The following TTC7B variants were observed in gnomAD, a reference collection of about 807,000 sequenced individuals.
The protein encoded by TTC7B is tetratricopeptide repeat protein 7B.
In TTC7B, 28 loss-of-function variants were observed where a neutral mutation model predicts 106.8. That is an observed-to-expected ratio of 0.26 (90% CI 0.19 to 0.36). The LOEUF (loss-of-function observed/expected upper bound fraction) is 0.36, where lower values mean the gene tolerates loss of function less well. TTC7B is among the 10% of genes least tolerant of loss of function. TTC7B has a pLI of 1.00. For synonymous variants in TTC7B, 405 were observed against 430.6 expected (o/e 0.94, Z 0.74); for missense variants, 862 against 1,076.4 (o/e 0.80, Z 2.79).
rs1313647067 is a variant in TTC7B, at chr14:90,579,283, G to A, written c.2108-975C>T. Among the ~76,000 whole-genome samples, 11 of 152,312 alleles carry A rather than the reference G, an allele frequency of 7.2e-5. No individual in the cohort carries two copies. The East Asian group carries it at 1.2e-3, about 16-fold the overall frequency. On this transcript the variant is annotated intron_variant, in intron 18 of 19. Coordinates refer to ENST00000328459, the MANE Select transcript of TTC7B (RefSeq NM_001010854.2). ...TCAAGTCTGCAGCCCAGAGCCTCACGCAGAGGCCGCCCGCTCTGTCGGGGC... is the reference window on the plus strand; with the variant it reads ...TCAAGTCTGCAGCCCAGAGCCTCACACAGAGGCCGCCCGCTCTGTCGGGGC...
intron 19 of TTC7B, among the ~76,000 whole-genome samples, chr14:90,561,181 G>A (rs1339870765): frequency 6.6e-6 from 1 of 152,238 alleles, no homozygotes; most frequent in African/African-American, 2.4e-5. Flanking sequence ...CCGCTCCTCT[G>A]TTTATGAAGA....
At chr14:90,771,178 T>C (rs1017953478) in intron 3 of TTC7B, among the ~76,000 whole-genome samples, 4 of 152,022 alleles carry the variant, frequency 2.6e-5, no homozygotes, top group African/African-American at 7.3e-5. Context: ...TTAAAAATAA[T>C]GAAGATGGGA....
chr14:90,805,103 G>A lies in TTC7B; in HGVS notation c.121+11072C>T, dbSNP rs886777889. Among the ~76,000 whole-genome samples the A allele has an allele frequency of 1.3e-5, 2 of 151,958 alleles. No homozygotes were observed. Among genetic ancestry groups the A allele is most frequent in the Non-Finnish European group, 2.9e-5 (2 of 67,950 alleles). On this transcript the variant is annotated intron_variant, in intron 1 of 19. Transcript: ENST00000328459. The surrounding 1 kb of genome is among the most constrained non-coding windows in gnomAD (Gnocchi z 4.0). The stretch of plus-strand genomic sequence containing the variant: ...AGTCTTCGGCGTGGGACCAGGTCTC[G>A]GGTGGACGCCCACAGCCACTCCCAG...
chr14:90,655,508 C>T (rs1376557187), intron 11 of TTC7B, among the ~76,000 whole-genome samples: 1 of 152,110 alleles, frequency 6.6e-6, no homozygotes, highest in East Asian at 1.9e-4. Context: ...TTTCTTTCCC[C>T]CCCTACCCAG....
At chr14:90,684,460 C>A (rs1241326949) in intron 7 of TTC7B, among the ~76,000 whole-genome samples, 1 of 152,004 alleles carries the variant, frequency 6.6e-6, no homozygotes, top group Non-Finnish European at 1.5e-5. Flanking sequence ...TTCCTATTAG[C>A]CCCAAATGGG....
chr14:90,696,368 T>C lies in TTC7B; in HGVS notation c.699-790A>G, dbSNP rs186395544. 9.5e-4 allele frequency among the ~76,000 whole-genome samples: 144 copies of C among 152,322 alleles called. 2 individuals carry two copies. The highest frequency in any genetic ancestry group is 3.9e-3 in the South Asian group (19 of 4,822). On this transcript the variant is annotated intron_variant, in intron 5 of 19. Transcript: ENST00000328459. Reference sequence around the variant, plus strand: ...TGCTGAGCTGGGAACGCTCCCCAGCTGGTCCCTTTACATTAAGCACGGCCA... The same window carrying C: ...TGCTGAGCTGGGAACGCTCCCCAGCCGGTCCCTTTACATTAAGCACGGCCA...
At chr14:90,684,207 C>A (rs1165070539) in intron 7 of TTC7B, among the ~76,000 whole-genome samples, 2 of 152,144 alleles carry the variant, frequency 1.3e-5, no homozygotes, top group African/African-American at 4.8e-5. Context: ...GAAGTATTAT[C>A]CAATATTAAC....
At chr14:90,668,827 CTTTTTTTTTTT>C (rs11291974) in intron 9 of TTC7B, among the ~76,000 whole-genome samples, 7 of 88,526 alleles carry the variant, frequency 7.9e-5, no homozygotes, top group Non-Finnish European at 1.5e-4. Flanking sequence ...AAAATTTCAA[CTTTTTTTTTTT>C]TTTTTTTTTT....
chr14:90,640,393 C>T (rs1457737635), intron 15 of TTC7B, among the ~76,000 whole-genome samples: 1 of 152,014 alleles, frequency 6.6e-6, no homozygotes, highest in Non-Finnish European at 1.5e-5. Context: ...GGCAAAAGGA[C>T]AGGATACAGA....
chr14:90,671,147 G>C (rs1886617348), intron 9 of TTC7B, among the ~76,000 whole-genome samples: 1 of 152,130 alleles, frequency 6.6e-6, no homozygotes, highest in Non-Finnish European at 1.5e-5. Context: ...AAGCAGGACT[G>C]CACGCAATGC....
At chr14:90,641,169 A>C (rs1476980598) in intron 15 of TTC7B, among the ~76,000 whole-genome samples, 1 of 152,126 alleles carries the variant, frequency 6.6e-6, no homozygotes, top group Non-Finnish European at 1.5e-5. Context: ...TCAGCTTAGA[A>C]CTTTTTGGAC....
In TTC7B at chr14:90,531,250, G is replaced by C. The variant is rs553471473; in HGVS notation, c.*10118C>G. 6.6e-6 allele frequency: 1 copy of C among 151,862 alleles called. No homozygotes were observed. The highest frequency in any genetic ancestry group is 2.4e-5 in the African/African-American group (1 of 41,194). 9.4% of individuals were successfully genotyped at this position (151,862 alleles called of 1,614,324 possible). ...TTACGATCACAAAAGAAAAGAAAAA[G>C]CTGCTTGCTTAAACAAACAAACAAA... On this transcript the variant is annotated 3_prime_UTR_variant, in exon 20 of 20. Transcript: ENST00000328459.
At chr14:90,571,021 C>A (rs563852038) in intron 19 of TTC7B, among the ~76,000 whole-genome samples, 48 of 152,236 alleles carry the variant, frequency 3.2e-4, no homozygotes, top group African/African-American at 1.0e-3. Context: ...CACCAACATA[C>A]GATTTCACGA....
In TTC7B at chr14:90,527,131, A is replaced by T. The variant is rs544743654; in HGVS notation, c.*14237T>A. On this transcript the variant is annotated 3_prime_UTR_variant, in exon 20 of 20. Coordinates refer to ENST00000328459, the MANE Select transcript of TTC7B (RefSeq NM_001010854.2). ...GGAGTTATGGGTTTGGGGGAAGAAG[A>T]CCACAGAGATGAGGTGCCCTGCTCA... is the stretch of plus-strand genomic sequence containing the variant. The T allele has an allele frequency of 2.9e-4, 44 of 152,136 alleles. No individual in the cohort carries two copies. Among genetic ancestry groups the T allele is most frequent in the African/African-American group, 1.1e-3 (44 of 41,482 alleles). The allele number at this position is 152,136 out of a possible 1,614,324, so 9.4% of individuals were successfully genotyped here.
intron 1 of TTC7B, 126 bp from the exon 2 acceptor site, chr14:90,786,454 C>T (rs906978586): frequency 2.6e-5 from 25 of 966,580 alleles, no homozygotes; most frequent in Non-Finnish European, 3.4e-5. Context: ...CCTTCTGGAA[C>T]TTCATAGCCT....
intron 17 of TTC7B, among the ~76,000 whole-genome samples, chr14:90,604,211 T>C (rs1232684813): frequency 1.3e-5 from 2 of 152,162 alleles, no homozygotes; most frequent in Non-Finnish European, 2.9e-5. Flanking sequence ...AATGGGAAGA[T>C]CCCATTTTCA....
In TTC7B at chr14:90,802,671, C is replaced by T. The variant is rs140536881; in HGVS notation, c.121+13504G>A. Among the ~76,000 whole-genome samples, 526 of 152,248 alleles carry T rather than the reference C, an allele frequency of 3.5e-3. No individual in the cohort carries two copies. Among genetic ancestry groups the T allele is most frequent in the Non-Finnish European group, 5.5e-3 (374 of 68,010 alleles). On this transcript the variant is annotated intron_variant, in intron 1 of 19. Coordinates refer to ENST00000328459, the MANE Select transcript of TTC7B (RefSeq NM_001010854.2). This position sits in a 1 kb window ranked among gnomAD's most constrained non-coding sequence, Gnocchi z 4.7. ...GGGAATCCGACCTACTGAAGAGCGG[C>T]GGTGCTCCTCCCGGTCTTTGGTCAC...
At chr14:90,767,218 C>T (rs1396427947) in intron 3 of TTC7B, among the ~76,000 whole-genome samples, 1 of 151,482 alleles carries the variant, frequency 6.6e-6, no homozygotes, top group Non-Finnish European at 1.5e-5. Context: ...GACCGTGTCT[C>T]AATAAAAAAT....
chr14:90,554,279 G>T (rs538254778), intron 19 of TTC7B, among the ~76,000 whole-genome samples: 10 of 152,356 alleles, frequency 6.6e-5, no homozygotes, highest in African/African-American at 2.4e-4. Context: ...TCCAGAGGGT[G>T]GTCGGGGTTG....
Sources: gnomAD v4.1 joint callset for allele counts (sites outside exome capture counted in the v4.1 genomes callset) on GRCh38, gnomAD v4.1.1 for gene constraint, Gnocchi (gnomAD v3.1) non-coding constraint, MANE v1.5 for transcripts, NCBI Gene and HGNC (gene_info 2026-07-23, HGNC 2026-07-21) for gene names.